SCAI: variants seen among roughly 807,000 people sequenced by gnomAD.
SCAI encodes the protein suppressor of cancer cell invasion.
Under a neutral mutation model 92.2 loss-of-function variants are expected in SCAI, and 24 were observed. The observed-to-expected ratio is 0.26, with a 90% CI of 0.19 to 0.37. The LOEUF (loss-of-function observed/expected upper bound fraction) is 0.37, where lower values mean the gene tolerates loss of function less well. Among genes scored for constraint, SCAI ranks in the 10% least tolerant of loss-of-function variants. The pLI is 1.00. For missense variants in SCAI, 450 were observed against 736.2 expected (o/e 0.61, Z 4.50); for synonymous variants, 261 against 258.6 (o/e 1.01, Z -0.09).
intron 11 of SCAI, among the ~76,000 whole-genome samples, chr9:125,002,758 A>G (rs1486779441): frequency 2.0e-5 from 3 of 151,878 alleles, no homozygotes; most frequent in Non-Finnish European, 2.9e-5. Context: ...TGCTGGGATT[A>G]CAGGAGTGAG....
At chr9:125,080,472 C>T (rs1297675791) in intron 2 of SCAI, among the ~76,000 whole-genome samples, 1 of 152,142 alleles carries the variant, frequency 6.6e-6, no homozygotes, top group Non-Finnish European at 1.5e-5. Context: ...TTCCCCTACC[C>T]AGTGATTAAA....
chr9:125,084,099 A>AT (rs906522203), intron 2 of SCAI, among the ~76,000 whole-genome samples: 4 of 146,648 alleles, frequency 2.7e-5, no homozygotes, highest in Admixed American at 6.8e-5. Flanking sequence ...AGTAAAAAAA[A>AT]TTTTTTTTAA....
At chr9:125,104,974 AAAT>A (rs1376700708) in intron 2 of SCAI, among the ~76,000 whole-genome samples, 1 of 151,800 alleles carries the variant, frequency 6.6e-6, no homozygotes. Context: ...AAAAAAAAAA[AAAT>A]TTAGTGTCAA....
At chr9:125,086,723 T>G (rs935030880) in intron 2 of SCAI, among the ~76,000 whole-genome samples, 2 of 151,828 alleles carry the variant, frequency 1.3e-5, no homozygotes, top group Admixed American at 1.3e-4. Context: ...GGGGCAAGAG[T>G]GGCGTGGGTA....
At position 124,944,306 on chromosome 9, in the gene SCAI, T is replaced by C. The variant is rs1831106695; in HGVS notation, c.*8501A>G. The C allele has an allele frequency of 6.6e-6, 1 of 151,364 alleles. No homozygotes were observed. Among genetic ancestry groups the C allele is most frequent in the Non-Finnish European group, 1.5e-5 (1 of 67,754 alleles). The allele number at this position is 151,364 out of a possible 1,614,324, so 9.4% of individuals were successfully genotyped here. On this transcript the variant is annotated 3_prime_UTR_variant, in exon 18 of 18. Transcript: ENST00000336505. ...GAAATAGTAATAAAAATTCCTTTTT[T>C]TTTTTTTTTTGAGAATGAGTCTTGC...
At chr9:125,003,261 C>A (rs367947176) in intron 10 of SCAI, 46 bp from the exon 11 acceptor site, 11 of 1,413,934 alleles carry the variant, frequency 7.8e-6, no homozygotes, top group Non-Finnish European at 1.1e-5. Flanking sequence ...CTGCATTTGA[C>A]AAATGAATTA....
chr9:125,081,099 T>C (rs1834205527), intron 2 of SCAI, among the ~76,000 whole-genome samples: 1 of 152,216 alleles, frequency 6.6e-6, no homozygotes, highest in Non-Finnish European at 1.5e-5. Flanking sequence ...TTAAACCTCT[T>C]TCTTTTGTAA....
At chr9:125,108,409 T>A (rs1422024511) in intron 2 of SCAI, among the ~76,000 whole-genome samples, 1 of 130,026 alleles carries the variant, frequency 7.7e-6, no homozygotes, top group African/African-American at 3.0e-5. Flanking sequence ...CCAGCCACCA[T>A]CCCATCTAGG....
intron 3 of SCAI, among the ~76,000 whole-genome samples, chr9:125,039,841 A>C (rs1833283763): frequency 6.6e-6 from 1 of 152,226 alleles, no homozygotes; most frequent in Admixed American, 6.5e-5. Context: ...AGCCCAACCC[A>C]GAGGCAGTAT....
At chr9:125,130,430 A>G (rs1835374781) in intron 2 of SCAI, among the ~76,000 whole-genome samples, 1 of 152,198 alleles carries the variant, frequency 6.6e-6, no homozygotes, top group Non-Finnish European at 1.5e-5. Flanking sequence ...AGGTTCGTCA[A>G]AATTCAAAGA....
intron 14 of SCAI, among the ~76,000 whole-genome samples, chr9:124,987,751 C>T (rs910744230): frequency 6.6e-5 from 10 of 152,048 alleles, no homozygotes; most frequent in South Asian, 2.1e-4. Context: ...CACTTGAGGT[C>T]GGGAATTTGA....
intron 2 of SCAI, among the ~76,000 whole-genome samples, chr9:125,071,761 T>C (rs1365345444): frequency 2.0e-5 from 3 of 152,146 alleles, no homozygotes; most frequent in African/African-American, 4.8e-5. Context: ...GAACACACAA[T>C]TGCTTGATAC....
rs200987192 is a variant in SCAI at position 125,056,010 on chromosome 9, G to A, written c.99-3C>T. On this transcript the variant is annotated splice_polypyrimidine_tract_variant and splice_region_variant and intron_variant, in intron 2 of 17. Coordinates refer to ENST00000336505, the MANE Select transcript of SCAI (RefSeq NM_001144877.3). ...TTTCTTTAAGAGCAAATTCAGTCCT[G>A]TAAGAAAACATATGTTCATTCATGC... The A allele has an allele frequency of 1.3e-6, 2 of 1,596,464 alleles. No homozygotes were observed. Among genetic ancestry groups the A allele is most frequent in the African/African-American group, 1.3e-5 (1 of 74,228 alleles).
chr9:124,996,883 GCCTC>G (rs758716498), intron 13 of SCAI, among the ~76,000 whole-genome samples: 30 of 152,064 alleles, frequency 2.0e-4, no homozygotes, highest in Non-Finnish European at 4.3e-4. Context: ...GCCCACTTCG[GCCTC>G]CCAAAGTGCT....
intron 2 of SCAI, among the ~76,000 whole-genome samples, chr9:125,061,035 C>T (rs533363710): frequency 7.2e-5 from 11 of 152,178 alleles, no homozygotes; most frequent in Non-Finnish European, 1.2e-4. Flanking sequence ...CGGTGGCTCA[C>T]GCCTGTAATC....
At chr9:125,131,285 G>C (rs1835395220) in intron 2 of SCAI, among the ~76,000 whole-genome samples, 2 of 151,626 alleles carry the variant, frequency 1.3e-5, no homozygotes, top group Admixed American at 1.3e-4. Context: ...GGAGATACCA[G>C]TAATCCCAGC....
At chr9:125,125,909 TACAC>T (rs10554292) in intron 2 of SCAI, among the ~76,000 whole-genome samples, 10,487 of 137,698 alleles carry the variant, frequency 0.076, 401 homozygotes, top group African/African-American at 0.11. Flanking sequence ...TGCGTACACG[TACAC>T]ACACACACAC....
chr9:125,054,009 C>G (rs961533094), intron 3 of SCAI, among the ~76,000 whole-genome samples: 2 of 152,092 alleles, frequency 1.3e-5, no homozygotes, highest in African/African-American at 2.4e-5. Flanking sequence ...GGGTCTTGCT[C>G]TGTCACCCAG....
At chr9:125,077,138 A>C (rs1032852536) in intron 2 of SCAI, among the ~76,000 whole-genome samples, 2 of 152,214 alleles carry the variant, frequency 1.3e-5, no homozygotes, top group Admixed American at 6.6e-5. Context: ...GTCCCCACTC[A>C]TATGGTCATA....
Sources: gnomAD v4.1 joint callset for allele counts (sites outside exome capture counted in the v4.1 genomes callset) on GRCh38, gnomAD v4.1.1 for gene constraint, MANE v1.5 for transcripts, NCBI Gene and HGNC (gene_info 2026-07-23, HGNC 2026-07-21) for gene names.